The following SRD5A1 variants were observed in gnomAD, a reference collection of about 807,000 sequenced individuals.
The protein encoded by SRD5A1 is 3-oxo-5-alpha-steroid 4-dehydrogenase 1.
In SRD5A1, 22 loss-of-function variants were observed where a neutral mutation model predicts 28.2. The ratio of observed to expected loss-of-function variants is 0.78; its 90% CI spans 0.56 to 1.12. The LOEUF (loss-of-function observed/expected upper bound fraction) is 1.12, where lower values mean the gene tolerates loss of function less well. Among genes scored for constraint, SRD5A1 ranks in the 50% most tolerant of loss-of-function variants. The probability of loss-of-function intolerance (pLI) is 0.00; values close to 1 mark genes in which losing one functional copy is unlikely to be tolerated. For missense variants in SRD5A1, 300 were observed against 346.7 expected (o/e 0.87, Z 1.07); for synonymous variants, 151 against 135.0 (o/e 1.12, Z -0.82).
intron 1 of SRD5A1, among the ~76,000 whole-genome samples, chr5:6,639,258 T>C (rs1579394441): frequency 1.3e-5 from 2 of 152,374 alleles, no homozygotes; most frequent in East Asian, 1.9e-4. Flanking sequence ...CTTTAAAGAA[T>C]AGTCATTCCA....
intron 1 of SRD5A1, among the ~76,000 whole-genome samples, chr5:6,645,706 C>T (rs902760642): frequency 3.9e-5 from 6 of 152,040 alleles, no homozygotes; most frequent in African/African-American, 1.4e-4. Flanking sequence ...GTAATCATCA[C>T]CGCAAATCAA....
At chr5:6,637,107 G>A (rs1479122218) in intron 1 of SRD5A1, among the ~76,000 whole-genome samples, 4 of 152,108 alleles carry the variant, frequency 2.6e-5, no homozygotes, top group South Asian at 2.1e-4. Context: ...GTGCAGGGGC[G>A]GCAGCGTCTC....
At position 6,657,153 on chromosome 5, in the gene SRD5A1, T is replaced by C. The variant is rs143222122; in HGVS notation, c.562+974T>C. On this transcript the variant is annotated intron_variant, in intron 3 of 4. Coordinates refer to ENST00000274192, the MANE Select transcript of SRD5A1 (RefSeq NM_001047.4). ...TCCACTTATGTTCCTAGAAACCATA[T>C]GAGAATAGCAACAAAAACAAACAAT... Among the ~76,000 whole-genome samples the C allele has an allele frequency of 2.6e-3, 400 of 152,380 alleles. 1 individual carries two copies. The highest frequency in any genetic ancestry group is 0.01 in the Middle Eastern group (3 of 294).
intron 1 of SRD5A1, among the ~76,000 whole-genome samples, chr5:6,646,988 T>C (rs1738527883): frequency 2.0e-5 from 3 of 152,250 alleles, no homozygotes; most frequent in South Asian, 2.1e-4. Context: ...TTTGTTCTTA[T>C]TGGTTTTAAA....
intron 1 of SRD5A1, among the ~76,000 whole-genome samples, chr5:6,640,484 A>G (rs2677933): frequency 0.14 from 21,818 of 151,678 alleles, 1,723 homozygotes; most frequent in East Asian, 0.23. Context: ...CAAGGTTTGC[A>G]GTTTTCATGG....
At chr5:6,656,221 C>A in intron 3 of SRD5A1, 42 bp downstream of exon 3, 2 of 1,537,564 alleles carry the variant, frequency 1.3e-6, no homozygotes, top group Non-Finnish European at 1.8e-6. Flanking sequence ...AGTTGCTTGC[C>A]ATGGTTCCTG....
intron 4 of SRD5A1, among the ~76,000 whole-genome samples, chr5:6,666,744 C>G (rs1458356977): frequency 2.6e-5 from 4 of 152,188 alleles, no homozygotes; most frequent in Non-Finnish European, 5.9e-5. Flanking sequence ...AACACCCTGA[C>G]CTCACACATG....
At position 6,633,718 on chromosome 5, in the gene SRD5A1, C is replaced by T. The variant is rs1342340402; in HGVS notation, c.142C>T (p.Leu48Phe). The change falls in exon 1 of 5, where the codon CTC (leucine) becomes TTC (phenylalanine). Residue 48 changes from leucine to phenylalanine, a missense_variant. Around this residue, in one of 2 missense-constraint regions of SRD5A1, gnomAD observed 174 missense variants for 160.9 expected, o/e 1.08. Coordinates refer to ENST00000274192, the MANE Select transcript of SRD5A1 (RefSeq NM_001047.4). ...CCGCCACGCGCTGCCCAGCCACAGG[C>T]TCCGAGTGCCGGCGCGGGCCGCCTG... ...YGRHALPSHR[L>F]RVPARAAWVV... 6.3e-7 allele frequency: 1 copy of T among 1,593,882 alleles called. No individual in the cohort carries two copies. Among genetic ancestry groups the T allele is most frequent in the Non-Finnish European group, 8.5e-7 (1 of 1,177,716 alleles).
At chr5:6,658,479 C>T (rs184436752) in intron 3 of SRD5A1, among the ~76,000 whole-genome samples, 8 of 152,308 alleles carry the variant, frequency 5.3e-5, no homozygotes, top group Non-Finnish European at 7.3e-5. Context: ...AGCATGTAGC[C>T]GCCTTCCTGA....
chr5:6,662,367 A>C (rs1739033597), intron 3 of SRD5A1, among the ~76,000 whole-genome samples: 2 of 152,364 alleles, frequency 1.3e-5, no homozygotes, highest in African/African-American at 4.8e-5. Flanking sequence ...TGTCTGTCCA[A>C]GTGCCTGGGC....
intron 1 of SRD5A1, among the ~76,000 whole-genome samples, chr5:6,636,627 T>C (rs1384596277): frequency 6.6e-6 from 1 of 152,156 alleles, no homozygotes; most frequent in Non-Finnish European, 1.5e-5. Flanking sequence ...GCTACAGCTC[T>C]TCCCAGAGCA....
chr5:6,664,003 G>A (rs1003136681), intron 4 of SRD5A1, among the ~76,000 whole-genome samples: 2 of 152,150 alleles, frequency 1.3e-5, no homozygotes, highest in Admixed American at 6.5e-5. Flanking sequence ...TCTCATTGAC[G>A]GGAAGAGATC....
In SRD5A1 at chr5:6,670,960, T is replaced by C. The variant is rs889403014; in HGVS notation, c.*2692T>C. On this transcript the variant is annotated 3_prime_UTR_variant, in exon 5 of 5. Transcript: ENST00000274192. ...TTTGCAGTTGTGAATTGTGCTGCTA[T>C]AAACATGTGCGTGCAAGTATCTTTT... The C allele has an allele frequency of 1.3e-5, 2 of 152,244 alleles. No homozygotes were observed. The highest frequency in any genetic ancestry group is 1.9e-4 in the East Asian group (1 of 5,200). The allele number at this position is 152,244 out of a possible 1,614,324, so 9.4% of individuals were successfully genotyped here. A position where few individuals can be genotyped will look rare whatever the true frequency, so the allele number is the denominator to read the frequency against.
chr5:6,643,451 T>A (rs548212217), intron 1 of SRD5A1, among the ~76,000 whole-genome samples: 52 of 152,270 alleles, frequency 3.4e-4, no homozygotes, highest in Admixed American at 1.2e-3. Context: ...ACTACAGGCA[T>A]GTACCACCAC....
intron 3 of SRD5A1, among the ~76,000 whole-genome samples, chr5:6,657,536 C>G (rs1015684972): frequency 1.3e-5 from 2 of 152,188 alleles, no homozygotes; most frequent in Admixed American, 6.5e-5. Flanking sequence ...GTGTTCATCC[C>G]CTGAAGGAGA....
intron 1 of SRD5A1, among the ~76,000 whole-genome samples, chr5:6,638,923 A>G (rs1738280225): frequency 1.3e-5 from 2 of 152,348 alleles, no homozygotes; most frequent in African/African-American, 4.8e-5. Context: ...GATCATTAAA[A>G]TTAACCACTC....
chr5:6,645,797 T>C (rs1738492087), intron 1 of SRD5A1, among the ~76,000 whole-genome samples: 1 of 152,206 alleles, frequency 6.6e-6, no homozygotes, highest in African/African-American at 2.4e-5. Context: ...ATTTTTGCCT[T>C]GTCTGGATTT....
intron 1 of SRD5A1, among the ~76,000 whole-genome samples, chr5:6,634,711 T>TAA (rs1738125124): frequency 1.3e-5 from 2 of 152,244 alleles, no homozygotes; most frequent in Non-Finnish European, 2.9e-5. Context: ...AAACGAAGTC[T>TAA]TAAAGATGAC....
chr5:6,657,383 C>T (rs1463439119), intron 3 of SRD5A1, among the ~76,000 whole-genome samples: 3 of 152,198 alleles, frequency 2.0e-5, no homozygotes, highest in Non-Finnish European at 4.4e-5. Context: ...GCAAACTGCA[C>T]CCTCATGGGG....
Sources: gnomAD v4.1 joint callset for allele counts (sites outside exome capture counted in the v4.1 genomes callset) on GRCh38, gnomAD v4.1.1 for gene constraint, gnomAD v4.1.1 regional missense constraint, MANE v1.5 for transcripts, NCBI Gene and HGNC (gene_info 2026-07-23, HGNC 2026-07-21) for gene names.